Variants in CPPED1 observed in about 807,000 individuals in gnomAD.
CPPED1 encodes calcineurin like phosphoesterase domain containing 1.
A neutral mutation model predicts 28.0 loss-of-function variants in CPPED1; 28 were observed. The ratio of observed to expected loss-of-function variants is 1.00; its 90% CI spans 0.74 to 1.37. The LOEUF (loss-of-function observed/expected upper bound fraction) is 1.37, where lower values mean the gene tolerates loss of function less well. Among genes scored for constraint, CPPED1 ranks in the 40% most tolerant of loss-of-function variants. The pLI, the probability that CPPED1 is intolerant of heterozygous loss-of-function variation, is 0.00. For synonymous variants in CPPED1, 198 were observed against 180.2 expected (o/e 1.10, Z -0.79); for missense variants, 504 against 416.5 (o/e 1.21, Z -1.83).
intron 1 of CPPED1, among the ~76,000 whole-genome samples, chr16:12,803,159 A>G (rs1374793145): frequency 6.6e-6 from 1 of 152,206 alleles, no homozygotes; most frequent in East Asian, 1.9e-4. Flanking sequence ...AAATCCAAGC[A>G]CTTCACTACG....
intron 3 of CPPED1, among the ~76,000 whole-genome samples, chr16:12,700,826 G>T (rs1012588850): frequency 2.6e-5 from 4 of 152,180 alleles, no homozygotes; most frequent in Non-Finnish European, 4.4e-5. Flanking sequence ...GTTTAGCGGG[G>T]ATTCAGACAA....
At chr16:12,771,319 G>A (rs2080469237) in intron 2 of CPPED1, among the ~76,000 whole-genome samples, 1 of 152,196 alleles carries the variant, frequency 6.6e-6, no homozygotes, top group Non-Finnish European at 1.5e-5. Flanking sequence ...TTATTCATGT[G>A]TTCCAGAAAA....
At chr16:12,711,931 G>GCCTCCCCT (rs2080082268) in intron 2 of CPPED1, among the ~76,000 whole-genome samples, 1 of 152,162 alleles carries the variant, frequency 6.6e-6, no homozygotes, top group Non-Finnish European at 1.5e-5. Flanking sequence ...CCAGGGAAGA[G>GCCTCCCCT]ACAGGGGAGG....
intron 3 of CPPED1, among the ~76,000 whole-genome samples, chr16:12,673,976 G>A (rs1161907303): frequency 6.6e-6 from 1 of 152,124 alleles, no homozygotes; most frequent in Non-Finnish European, 1.5e-5. Flanking sequence ...TTGAGCTCAG[G>A]AGTTGGAGGT....
intron 2 of CPPED1, among the ~76,000 whole-genome samples, chr16:12,706,217 A>G (rs1201684605): frequency 6.6e-6 from 1 of 152,022 alleles, no homozygotes; most frequent in Non-Finnish European, 1.5e-5. Context: ...CAAATTTTTA[A>G]AAGCCTCACA....
rs1180336228 is a variant in CPPED1 at position 12,696,438 on chromosome 16, CTT to C, written c.715+8184_715+8185del. 8.7e-4 allele frequency among the ~76,000 whole-genome samples: 105 copies of C among 120,700 alleles called. 1 individual carries two copies. The highest frequency in any genetic ancestry group is 2.5e-3 in the African/African-American group (73 of 28,958). 79.2% of individuals were successfully genotyped at this position (120,700 alleles called of 152,430 possible). ...GCCAGACATGGTGCTAAGTGACTTTCTTTTTTTTTTTTTTTTTTTTGAGATGG... is the reference window on the plus strand; with the variant it reads ...GCCAGACATGGTGCTAAGTGACTTTCTTTTTTTTTTTTTTTTTTGAGATGG... On this transcript the variant is annotated intron_variant, in intron 3 of 3. Transcript: ENST00000381774.
Position 12,672,921 on chromosome 16 carries a change from T to G in CPPED1, c.716-7806A>C, listed in dbSNP as rs185143435. 2.6e-3 allele frequency among the ~76,000 whole-genome samples: 401 copies of G among 151,888 alleles called. 3 individuals carry two copies. The highest frequency in any genetic ancestry group is 9.4e-3 in the African/African-American group (388 of 41,426). ...CCTAGCTACTTGGGAGGCTGAGGCATAAGAATCGCTTGAACTCGGGAGGCG... is the reference window on the plus strand; with the variant it reads ...CCTAGCTACTTGGGAGGCTGAGGCAGAAGAATCGCTTGAACTCGGGAGGCG... On this transcript the variant is annotated intron_variant, in intron 3 of 3. Coordinates refer to ENST00000381774, the MANE Select transcript of CPPED1 (RefSeq NM_018340.3).
intron 1 of CPPED1, among the ~76,000 whole-genome samples, chr16:12,787,430 G>C (rs1424595873): frequency 1.4e-5 from 2 of 146,296 alleles, no homozygotes; most frequent in Admixed American, 1.4e-4. Context: ...TTTTGAGATG[G>C]AGTCTCACTC....
intron 2 of CPPED1, among the ~76,000 whole-genome samples, chr16:12,758,165 A>G (rs1002926362): frequency 3.3e-5 from 5 of 152,142 alleles, no homozygotes; most frequent in Admixed American, 2.6e-4. Context: ...AACAGCCATG[A>G]CATCACTCCA....
chr16:12,696,085 G>A (rs181594077), intron 3 of CPPED1, among the ~76,000 whole-genome samples: 2 of 152,278 alleles, frequency 1.3e-5, no homozygotes, highest in Admixed American at 1.3e-4. Flanking sequence ...CAGACTGGCT[G>A]TAATCGTCTA....
At chr16:12,791,838 C>T (rs1048741924) in intron 1 of CPPED1, among the ~76,000 whole-genome samples, 1 of 152,166 alleles carries the variant, frequency 6.6e-6, no homozygotes, top group South Asian at 2.1e-4. Flanking sequence ...GAGTCTGGCA[C>T]GTGGCAGGCA....
chr16:12,666,775 T>C (rs1337382022), intron 3 of CPPED1, among the ~76,000 whole-genome samples: 1 of 152,206 alleles, frequency 6.6e-6, no homozygotes, highest in Admixed American at 6.5e-5. Context: ...GTTTTGAGTA[T>C]TTATTACCTT....
chr16:12,765,406 C>A (rs1236294812), intron 2 of CPPED1, among the ~76,000 whole-genome samples: 1 of 152,180 alleles, frequency 6.6e-6, no homozygotes, highest in Non-Finnish European at 1.5e-5. Context: ...CTTGTTGAAT[C>A]TGTACTGTTA....
chr16:12,776,487 C>G (rs2141235846), intron 2 of CPPED1, among the ~76,000 whole-genome samples: 1 of 152,288 alleles, frequency 6.6e-6, no homozygotes, highest in East Asian at 1.9e-4. Flanking sequence ...TGGAAGGGAC[C>G]TGGTGGGAGG....
At chr16:12,760,550 T>C (rs1021985050) in intron 2 of CPPED1, 1 of 152,244 alleles carries the variant, frequency 6.6e-6, no homozygotes, top group Non-Finnish European at 1.5e-5. Flanking sequence ...TGTACTGATA[T>C]GGTCATATGC....
chr16:12,694,188 AGAGT>A (rs1555484589), intron 3 of CPPED1, among the ~76,000 whole-genome samples: 1 of 152,188 alleles, frequency 6.6e-6, no homozygotes, highest in Non-Finnish European at 1.5e-5. Context: ...CCTCGGTGAC[AGAGT>A]GAGACCCTCT....
chr16:12,665,070 C>T lies in CPPED1; in HGVS notation c.761G>A (p.Gly254Asp), dbSNP rs569559246. 6 of 1,606,650 alleles carry T rather than the reference C, an allele frequency of 3.7e-6. No homozygotes were observed. Among genetic ancestry groups the T allele is most frequent in the East Asian group, 2.2e-5 (1 of 44,776 alleles). The change falls in exon 4 of 4, where the codon GGT (glycine) becomes GAT (aspartate). Residue 254 changes from glycine to aspartate, a missense_variant. Gly to Asp is a moderately conservative substitution (Grantham distance 94, BLOSUM62 -1). Transcript: ENST00000381774. ...CACCATGTCGAGGTTCTGGTAGGTA[C>T]CCCCGGCATTCCTGTGGTAGTGGCC... is the stretch of plus-strand genomic sequence containing the variant. ...FSGHYHRNAG[G>D]TYQNLDMVVS...
chr16:12,765,579 C>T (rs765648584), intron 2 of CPPED1, among the ~76,000 whole-genome samples: 7 of 152,130 alleles, frequency 4.6e-5, no homozygotes, highest in Non-Finnish European at 8.8e-5. Flanking sequence ...CAGATCAATA[C>T]AAAATTTCTT....
At chr16:12,778,089 T>C (rs949548200) in intron 2 of CPPED1, among the ~76,000 whole-genome samples, 3 of 151,702 alleles carry the variant, frequency 2.0e-5, no homozygotes, top group African/African-American at 4.8e-5. Flanking sequence ...TCTGTATTTT[T>C]AGTAGTGATG....
Sources: allele counts gnomAD v4.1 joint callset (sites outside exome capture counted in the v4.1 genomes callset), GRCh38; gene constraint gnomAD v4.1.1; transcripts MANE v1.5; gene names NCBI Gene and HGNC (gene_info 2026-07-23, HGNC 2026-07-21).